The following DYNC2H1 variants were observed in gnomAD, a reference collection of about 807,000 sequenced individuals.
DYNC2H1 encodes the protein cytoplasmic dynein 2 heavy chain 1.
In DYNC2H1, 410 loss-of-function variants were observed where a neutral mutation model predicts 570.0. That is an observed-to-expected ratio of 0.72 (90% CI 0.66 to 0.78). The LOEUF is 0.78. Among genes scored for constraint, DYNC2H1 ranks in the 30% least tolerant of loss-of-function variants. The probability of loss-of-function intolerance (pLI) is 0.00; values close to 1 mark genes in which losing one functional copy is unlikely to be tolerated. For missense variants in DYNC2H1, 4,865 were observed against 5,046.4 expected, an observed-to-expected ratio of 0.96 and a Z score of 1.09; for synonymous variants, 1,688 against 1,677.6, an observed-to-expected ratio of 1.01 and a Z score of -0.15.
rs566262786 is a variant in DYNC2H1, at chr11:103,474,416, ATTTTG to A, written c.12766-4672_12766-4668del. Among the ~76,000 whole-genome samples the A allele has an allele frequency of 3.1e-3, 477 of 152,298 alleles. 1 individual carries two copies. The highest frequency in any genetic ancestry group is 0.011 in the African/African-American group (446 of 41,560). ...GGACTGTGCATAGACTGATGAATAT[ATTTTG>A]TTTTGTCTTCATATGTGTTTTGTTA... On this transcript the variant is annotated intron_variant, in intron 88 of 88. Coordinates refer to ENST00000375735, the MANE Select transcript of DYNC2H1 (RefSeq NM_001377.3).
intron 82 of DYNC2H1, among the ~76,000 whole-genome samples, chr11:103,356,128 C>A (rs1940323498): frequency 6.6e-6 from 1 of 151,976 alleles, no homozygotes; most frequent in Non-Finnish European, 1.5e-5. Context: ...AATTTTATCC[C>A]TTTTGATACC....
rs1864880950 is a variant in DYNC2H1, at chr11:103,252,650, G to A, written c.10043-635G>A. 6.6e-6 allele frequency among the ~76,000 whole-genome samples: 1 copy of A among 152,092 alleles called. No individual in the cohort carries two copies. The stretch of plus-strand genomic sequence containing the variant: ...TGGCCATATTTGTATCTTCTTTGGA[G>A]AAATGTCTATTCAGGTCCTTTGCCT... On this transcript the variant is annotated intron_variant, in intron 65 of 88. Coordinates refer to ENST00000375735, the MANE Select transcript of DYNC2H1 (RefSeq NM_001377.3). This position sits in a 1 kb window ranked among gnomAD's most constrained non-coding sequence, Gnocchi z 4.6.
rs746469502 is a variant in DYNC2H1, at chr11:103,181,737, A to G, written c.6348-20A>G. On this transcript the variant is annotated intron_variant, in intron 39 of 88. Coordinates refer to ENST00000375735, the MANE Select transcript of DYNC2H1 (RefSeq NM_001377.3). The surrounding 1 kb of genome is among the most constrained non-coding windows in gnomAD (Gnocchi z 5.0). ...ATAATTTCTTCCTAAGTAATTTTTT[A>G]TTTGTCTAAACTGTTTCAGTGATGA... 1 of 1,517,662 alleles carries G rather than the reference A, an allele frequency of 6.6e-7. No individual in the cohort carries two copies. Among genetic ancestry groups the G allele is most frequent in the Non-Finnish European group, 8.8e-7 (1 of 1,135,228 alleles). 94.0% of individuals were successfully genotyped at this position (1,517,662 alleles called of 1,614,324 possible).
At chr11:103,251,175 T>C (rs1001083604) in intron 65 of DYNC2H1, among the ~76,000 whole-genome samples, 1 of 152,150 alleles carries the variant, frequency 6.6e-6, no homozygotes, top group Non-Finnish European at 1.5e-5. Flanking sequence ...CTGTCAGTTC[T>C]TGTTTTAAAT....
chr11:103,416,146 G>A (rs1045073117), intron 84 of DYNC2H1, among the ~76,000 whole-genome samples: 1 of 152,200 alleles, frequency 6.6e-6, no homozygotes, highest in African/African-American at 2.4e-5. Context: ...ACCAGGGCCT[G>A]TCCCAGGCTG....
At chr11:103,155,241 A>G in intron 24 of DYNC2H1, 90 bp from the exon 25 acceptor site, 3 of 1,271,878 alleles carry the variant, frequency 2.4e-6, no homozygotes, top group Non-Finnish European at 3.2e-6. Context: ...TTTGGTAACT[A>G]ATAAGCATAA....
rs186712284 is a variant in DYNC2H1 at position 103,390,006 on chromosome 11, A to G, written c.12157-9657A>G. ...TGGGTGGAGAGTTCTGTAGATGTCT[A>G]TTAGGTCCACTTGGTGCAGAGCTGA... is the stretch of plus-strand genomic sequence containing the variant. On this transcript the variant is annotated intron_variant, in intron 83 of 88. Transcript: ENST00000375735. Among the ~76,000 whole-genome samples the G allele has an allele frequency of 2.4e-3, 362 of 152,316 alleles. 1 individual carries two copies. The highest frequency in any genetic ancestry group is 8.0e-3 in the African/African-American group (332 of 41,564).
In DYNC2H1 at chr11:103,181,990, GT is replaced by G; in HGVS notation, c.6477+105del. ...GGTAGAACTCTGCTGGAATGTGGGT[GT>G]GAGGTGAGAGGTGGATTTTGTCACT... On this transcript the variant is annotated intron_variant, in intron 40 of 88. Coordinates refer to ENST00000375735, the MANE Select transcript of DYNC2H1 (RefSeq NM_001377.3). The surrounding 1 kb of genome is among the most constrained non-coding windows in gnomAD (Gnocchi z 5.0). 7.6e-7 allele frequency: 1 copy of G among 1,310,526 alleles called. No homozygotes were observed. Among genetic ancestry groups the G allele is most frequent in the Non-Finnish European group, 1.0e-6 (1 of 959,908 alleles). 81.2% of individuals were successfully genotyped at this position (1,310,526 alleles called of 1,614,324 possible). A position where few individuals can be genotyped will look rare whatever the true frequency, so the allele number is the denominator to read the frequency against.
At chr11:103,136,195 GTTTT>G (rs1204109276) in intron 17 of DYNC2H1, among the ~76,000 whole-genome samples, 1 of 149,678 alleles carries the variant, frequency 6.7e-6, no homozygotes, top group Admixed American at 6.7e-5. Context: ...GTTTTTTTTG[GTTTT>G]TTATTTTTAT....
Position 103,326,648 on chromosome 11 carries a change from C to A in DYNC2H1, c.12039+2658C>A, listed in dbSNP as rs908604021. Among the ~76,000 whole-genome samples the A allele has an allele frequency of 1.3e-5, 2 of 152,196 alleles. No individual in the cohort carries two copies. The highest frequency in any genetic ancestry group is 4.8e-5 in the African/African-American group (2 of 41,440). ...GCCCCTAGGTTACTTGGAAAATACT[C>A]AGATAGTGCGGAGCACTCAGGCAGG... On this transcript the variant is annotated intron_variant, in intron 82 of 88. Transcript: ENST00000375735. The surrounding 1 kb of genome is among the most constrained non-coding windows in gnomAD (Gnocchi z 6.1).
chr11:103,179,259 G>C lies in DYNC2H1; in HGVS notation c.6347+26G>C, dbSNP rs144354468. On this transcript the variant is annotated intron_variant, in intron 39 of 88. Transcript: ENST00000375735. The stretch of plus-strand genomic sequence containing the variant: ...GTAAGCCATAGATTATTTATATACA[G>C]TATATTAGAATATTCTTTTACTGTC... The C allele has an allele frequency of 3.7e-5, 59 of 1,593,430 alleles. No individual in the cohort carries two copies. In the African/African-American group the frequency reaches 7.1e-4, roughly 19 times the overall value.
At position 103,172,170 on chromosome 11, in the gene DYNC2H1, AAG is replaced by A. The variant is rs749937611; in HGVS notation, c.5335-908_5335-907del. ...GATGTTTAAACTCTTCACAAAGAAA[AAG>A]AGAAGAAACTATTAAGTGAGAATTA... On this transcript the variant is annotated intron_variant, in intron 34 of 88. Coordinates refer to ENST00000375735, the MANE Select transcript of DYNC2H1 (RefSeq NM_001377.3). Among the ~76,000 whole-genome samples the A allele has an allele frequency of 1.1e-4, 16 of 152,296 alleles. No individual in the cohort carries two copies. The East Asian group carries it at 1.9e-3, about 18-fold the overall frequency.
chr11:103,114,309 A>G, intron 3 of DYNC2H1, 71 bp downstream of exon 3: 8 of 1,398,842 alleles, frequency 5.7e-6, no homozygotes, highest in Non-Finnish European at 7.5e-6. Context: ...AAATGAACAT[A>G]TTTCTTCATA....
intron 83 of DYNC2H1, among the ~76,000 whole-genome samples, chr11:103,376,395 CTTG>C (rs1941394990): frequency 6.6e-6 from 1 of 152,084 alleles, no homozygotes; most frequent in Non-Finnish European, 1.5e-5. Flanking sequence ...GTCCTTTCTT[CTTG>C]TTTAAATCTG....
chr11:103,115,123 A>C, intron 3 of DYNC2H1, 54 bp from the exon 4 acceptor site: 1 of 1,313,788 alleles, frequency 7.6e-7, no homozygotes, highest in Non-Finnish European at 1.1e-6. Flanking sequence ...TTTTGTATTC[A>C]TTTTTTTTTC....
At chr11:103,196,705 G>C (rs1862520005) in intron 47 of DYNC2H1, among the ~76,000 whole-genome samples, 1 of 152,120 alleles carries the variant, frequency 6.6e-6, no homozygotes, top group Non-Finnish European at 1.5e-5. Context: ...GAAAAGGACT[G>C]GTAGTTGTGG....
chr11:103,433,286 A>G (rs1284891278), intron 84 of DYNC2H1, among the ~76,000 whole-genome samples: 2 of 151,240 alleles, frequency 1.3e-5, no homozygotes, highest in Non-Finnish European at 2.9e-5. Context: ...TAGTATCTGC[A>G]CATTGTAGAT....
intron 83 of DYNC2H1, among the ~76,000 whole-genome samples, chr11:103,375,725 C>T (rs530630056): frequency 6.6e-6 from 1 of 152,182 alleles, no homozygotes; most frequent in South Asian, 2.1e-4. Flanking sequence ...TAGCCAGTGT[C>T]TGTACCCCCA....
At chr11:103,456,390 C>T (rs745766698) in intron 87 of DYNC2H1, 34 bp downstream of exon 87, 2 of 1,519,328 alleles carry the variant, frequency 1.3e-6, no homozygotes, top group Non-Finnish European at 1.8e-6. Context: ...GGAATCTCAG[C>T]CTTATCACCA....
Sources: allele counts gnomAD v4.1 joint callset (sites outside exome capture counted in the v4.1 genomes callset), GRCh38; gene constraint gnomAD v4.1.1; non-coding constraint Gnocchi (gnomAD v3.1); transcripts MANE v1.5; gene names NCBI Gene and HGNC (gene_info 2026-07-23, HGNC 2026-07-21).